BEND7: variants seen among roughly 807,000 people sequenced by gnomAD.
BEND7 encodes the protein BEN domain-containing protein 7.
In BEND7, 28 loss-of-function variants were observed where a neutral mutation model predicts 50.9. The observed-to-expected ratio is 0.55, with a 90% CI of 0.41 to 0.75. BEND7 has a LOEUF of 0.75. Among genes scored for constraint, BEND7 ranks in the 30% least tolerant of loss-of-function variants. The probability of loss-of-function intolerance (pLI) is 0.00; values close to 1 mark genes in which losing one functional copy is unlikely to be tolerated. For synonymous variants in BEND7, 170 were observed against 183.9 expected (o/e 0.92, Z 0.61); for missense variants, 477 against 491.3 (o/e 0.97, Z 0.28).
chr10:13,502,691 T>A (rs2077566256), intron 2 of BEND7, among the ~76,000 whole-genome samples: 1 of 152,088 alleles, frequency 6.6e-6, no homozygotes, highest in African/African-American at 2.4e-5. Flanking sequence ...AGAGGAGGCA[T>A]CTTTTCTGTG....
chr10:13,524,972 A>G (rs1291814337), intron 2 of BEND7, among the ~76,000 whole-genome samples: 1 of 152,202 alleles, frequency 6.6e-6, no homozygotes, highest in East Asian at 1.9e-4. Flanking sequence ...CCCTCAAAGC[A>G]AAACCAGAGA....
chr10:13,466,043 T>C (rs1175923148), intron 6 of BEND7, among the ~76,000 whole-genome samples: 6 of 152,136 alleles, frequency 3.9e-5, no homozygotes, highest in Non-Finnish European at 8.8e-5. Context: ...TTAATTTCTA[T>C]CAATTTAAGG....
At chr10:13,453,480 C>G (rs1354473066) in intron 6 of BEND7, among the ~76,000 whole-genome samples, 2 of 151,868 alleles carry the variant, frequency 1.3e-5, no homozygotes, top group Non-Finnish European at 2.9e-5. Context: ...AAAAAAAAGA[C>G]AAAAGAAAAT....
At chr10:13,496,995 G>T (rs953771844) in intron 3 of BEND7, 107 bp from the exon 4 acceptor site, 35 of 1,343,240 alleles carry the variant, frequency 2.6e-5, no homozygotes, top group Non-Finnish European at 3.4e-5. Context: ...GGATTTTGAA[G>T]CATGTGCAAT....
At chr10:13,514,757 A>G (rs1233932141) in intron 2 of BEND7, among the ~76,000 whole-genome samples, 1 of 152,230 alleles carries the variant, frequency 6.6e-6, no homozygotes, top group Admixed American at 6.5e-5. Context: ...GGTACCCATT[A>G]AAGTCTTGCT....
At chr10:13,523,443 G>A (rs2079214670) in intron 2 of BEND7, among the ~76,000 whole-genome samples, 1 of 152,194 alleles carries the variant, frequency 6.6e-6, no homozygotes, top group African/African-American at 2.4e-5. Flanking sequence ...CATTCTAGAA[G>A]ACTCTTTTTC....
chr10:13,492,841 G>A lies in BEND7; in HGVS notation c.607C>T (p.Leu203Phe), dbSNP rs757337142. Residue 203 changes from leucine to phenylalanine, a missense_variant, in exon 5 of 9, where the codon CTT becomes TTT. Coordinates refer to ENST00000466271, the MANE Select transcript of BEND7 (RefSeq NM_001369863.1). ...ACAGCAGTTCGCTGGGAGCATATAA[G>A]GGAAATTGGAGGTTGTTGTCTGTTT... is the stretch of plus-strand genomic sequence containing the variant. ...TQNRQQPPIS[L>F]ICSQRTAVSR... is the part of the protein sequence containing the mutation. 6 of 1,604,794 alleles carry A rather than the reference G, an allele frequency of 3.7e-6. No individual in the cohort carries two copies. The East Asian group carries it at 1.3e-4, about 36-fold the overall frequency.
chr10:13,464,333 A>C (rs1018482466), intron 6 of BEND7, among the ~76,000 whole-genome samples: 4 of 152,372 alleles, frequency 2.6e-5, no homozygotes, highest in African/African-American at 9.6e-5. Flanking sequence ...TGGCTAAGCT[A>C]GGGTTAGAAT....
At chr10:13,453,973 C>G (rs1163650333) in intron 6 of BEND7, among the ~76,000 whole-genome samples, 1 of 152,204 alleles carries the variant, frequency 6.6e-6, no homozygotes, top group African/African-American at 2.4e-5. Context: ...CTGTCAAACA[C>G]ATGGCAACAA....
At chr10:13,506,826 C>T (rs539673617) in intron 2 of BEND7, among the ~76,000 whole-genome samples, 13 of 151,878 alleles carry the variant, frequency 8.6e-5, no homozygotes, top group African/African-American at 1.7e-4. Context: ...GCTGGATTTG[C>T]TGGGGGTGGA....
intron 5 of BEND7, among the ~76,000 whole-genome samples, chr10:13,481,512 A>G (rs1418768801): frequency 6.6e-6 from 1 of 152,214 alleles, no homozygotes; most frequent in Non-Finnish European, 1.5e-5. Context: ...AAATAATTCA[A>G]ATGTGCTCAG....
At chr10:13,474,657 G>A (rs898916262) in intron 6 of BEND7, among the ~76,000 whole-genome samples, 2 of 151,600 alleles carry the variant, frequency 1.3e-5, no homozygotes, top group Non-Finnish European at 2.9e-5. Context: ...ACCCGTCATC[G>A]CTGTTGGACT....
chr10:13,487,759 G>C (rs1215410410), intron 5 of BEND7, among the ~76,000 whole-genome samples: 3 of 152,032 alleles, frequency 2.0e-5, no homozygotes, highest in African/African-American at 7.2e-5. Flanking sequence ...CTTGATCCCA[G>C]TGGATCACTT....
chr10:13,522,973 T>G (rs1434158115), intron 2 of BEND7, among the ~76,000 whole-genome samples: 1 of 152,216 alleles, frequency 6.6e-6, no homozygotes, highest in Non-Finnish European at 1.5e-5. Context: ...CACAGTTAAG[T>G]GCTCAAACAA....
intron 5 of BEND7, among the ~76,000 whole-genome samples, chr10:13,487,373 C>G: frequency 1.0e-5 from 1 of 98,168 alleles, no homozygotes; most frequent in South Asian, 4.3e-4. Context: ...GCCTCAATTT[C>G]TTTTCTTTTC....
intron 2 of BEND7, among the ~76,000 whole-genome samples, chr10:13,525,661 C>T (rs1193107590): frequency 6.6e-6 from 1 of 152,206 alleles, no homozygotes; most frequent in Non-Finnish European, 1.5e-5. Context: ...GGATTAGCAA[C>T]TGGGCCACAG....
intron 6 of BEND7, chr10:13,480,573 G>A: frequency 1.1e-6 from 1 of 874,952 alleles, no homozygotes. Context: ...ACTTTAAGTT[G>A]AAGTCATATT....
At chr10:13,493,338 T>C (rs139012405) in intron 4 of BEND7, among the ~76,000 whole-genome samples, 4 of 152,170 alleles carry the variant, frequency 2.6e-5, no homozygotes, top group Non-Finnish European at 5.9e-5. Flanking sequence ...CTGATAAAGA[T>C]GAGACAGTGA....
chr10:13,516,846 G>C (rs2078715702), intron 2 of BEND7, among the ~76,000 whole-genome samples: 1 of 152,200 alleles, frequency 6.6e-6, no homozygotes, highest in Non-Finnish European at 1.5e-5. Context: ...TACAGGCTTT[G>C]AAGAGTTGAT....
Sources: gnomAD v4.1 joint callset for allele counts (sites outside exome capture counted in the v4.1 genomes callset) on GRCh38, gnomAD v4.1.1 for gene constraint, MANE v1.5 for transcripts, NCBI Gene and HGNC (gene_info 2026-07-23, HGNC 2026-07-21) for gene names.